SEMA4D: variants seen among roughly 807,000 people sequenced by gnomAD.
SEMA4D encodes semaphorin 4D, also known as semaphorin-4D.
In SEMA4D, 22 loss-of-function variants were observed where a neutral mutation model predicts 74.8. That is an observed-to-expected ratio of 0.29 (90% CI 0.21 to 0.42). The LOEUF (loss-of-function observed/expected upper bound fraction) is 0.42, where lower values mean the gene tolerates loss of function less well. Ranked by LOEUF, SEMA4D falls within the 10% of genes least tolerant of loss-of-function variation. The pLI is 1.00. For synonymous variants in SEMA4D, 445 were observed against 463.7 expected, an observed-to-expected ratio of 0.96 and a Z score of 0.52; for missense variants, 937 against 1,118.4, an observed-to-expected ratio of 0.84 and a Z score of 2.31.
rs115046364 is a variant in SEMA4D, at chr9:89,385,986, C to T, written c.1446+381G>A. On this transcript the variant is annotated intron_variant, in intron 13 of 15. Coordinates refer to ENST00000422704, the MANE Select transcript of SEMA4D (RefSeq NM_001371194.2). The stretch of plus-strand genomic sequence containing the variant: ...AACCACTTCTCTTGTGGATTTTCCA[C>T]GGTGACGAGTCAGCTGTATCACTAT... 1.5e-4 allele frequency: 147 copies of T among 985,160 alleles called. No individual in the cohort carries two copies. The African/African-American group carries it at 1.7e-3, about 11-fold the overall frequency. The allele number at this position is 985,160 out of a possible 1,614,324, so 61.0% of individuals were successfully genotyped here.
intron 2 of SEMA4D, among the ~76,000 whole-genome samples, chr9:89,453,230 A>T (rs1046904016): frequency 5.9e-5 from 9 of 151,936 alleles, no homozygotes; most frequent in Non-Finnish European, 1.0e-4. Context: ...AGTGCACTTT[A>T]TAAAGACTAC....
At chr9:89,394,961 G>C (rs565614326) in intron 6 of SEMA4D, among the ~76,000 whole-genome samples, 1 of 152,118 alleles carries the variant, frequency 6.6e-6, no homozygotes, top group African/African-American at 2.4e-5. Context: ...TGGGAGTCAC[G>C]GGTCATAGTT....
rs758335052 is a variant in SEMA4D at position 89,427,516 on chromosome 9, C to T, written c.-243-21817G>A. Among the ~76,000 whole-genome samples, 80 of 152,276 alleles carry T rather than the reference C, an allele frequency of 5.3e-4. 1 individual carries two copies. Among genetic ancestry groups the T allele is most frequent in the Non-Finnish European group, 3.7e-4 (25 of 68,018 alleles). ...CCCACTGAAGGAGTCAAGCAAACCC[C>T]CAATATTTCAGGATTCACTCTGCAG... On this transcript the variant is annotated intron_variant, in intron 2 of 15. Transcript: ENST00000422704.
intron 2 of SEMA4D, chr9:89,450,251 C>A: frequency 8.9e-7 from 1 of 1,126,736 alleles, no homozygotes. Context: ...TTCTCATCAG[C>A]TCAGGAAAGG....
chr9:89,473,619 G>C (rs1007312559), intron 1 of SEMA4D, among the ~76,000 whole-genome samples: 2 of 152,144 alleles, frequency 1.3e-5, no homozygotes, highest in Non-Finnish European at 2.9e-5. Flanking sequence ...TACTTTGGGA[G>C]GCCGAGGCAG....
At chr9:89,437,275 T>A (rs1440743594) in intron 2 of SEMA4D, among the ~76,000 whole-genome samples, 2 of 152,192 alleles carry the variant, frequency 1.3e-5, no homozygotes, top group African/African-American at 4.8e-5. Flanking sequence ...TGGCAGTTTT[T>A]ATTTTTCTGC....
At chr9:89,453,484 T>C (rs569369743) in intron 2 of SEMA4D, among the ~76,000 whole-genome samples, 49 of 152,332 alleles carry the variant, frequency 3.2e-4, no homozygotes, top group African/African-American at 1.2e-3. Context: ...TTGCTGCCTG[T>C]CTTATCCTAT....
At chr9:89,435,150 T>C (rs775889633) in intron 2 of SEMA4D, among the ~76,000 whole-genome samples, 3 of 152,144 alleles carry the variant, frequency 2.0e-5, no homozygotes, top group Non-Finnish European at 4.4e-5. Context: ...CCCCAGGGCA[T>C]GTGGAGGACA....
chr9:89,424,815 T>A (rs35870355), intron 2 of SEMA4D, among the ~76,000 whole-genome samples: 24,510 of 152,050 alleles, frequency 0.16, 2,582 homozygotes, highest in Non-Finnish European at 0.23. Context: ...TCCACCTTCT[T>A]ACGGCCCCTG....
At chr9:89,371,781 TC>T (rs879001704) in intron 16 of SEMA4D, among the ~76,000 whole-genome samples, 5 of 36,470 alleles carry the variant, frequency 1.4e-4, no homozygotes, top group African/African-American at 2.3e-4. Flanking sequence ...GTGGTGTGTG[TC>T]GGGGTGTGTT....
chr9:89,429,652 T>G (rs1436945237), intron 2 of SEMA4D, among the ~76,000 whole-genome samples: 1 of 152,110 alleles, frequency 6.6e-6, no homozygotes. Context: ...GAGCACTTCA[T>G]GAAGAGCAGG....
chr9:89,472,919 C>A (rs897084444), intron 1 of SEMA4D, among the ~76,000 whole-genome samples: 1 of 151,924 alleles, frequency 6.6e-6, no homozygotes, highest in Non-Finnish European at 1.5e-5. Flanking sequence ...CATAGTGAGA[C>A]CCCATCTCTA....
At chr9:89,457,795 A>C (rs1856295961) in intron 1 of SEMA4D, among the ~76,000 whole-genome samples, 1 of 152,068 alleles carries the variant, frequency 6.6e-6, no homozygotes, top group Admixed American at 6.6e-5. Flanking sequence ...GCCCTTTGGG[A>C]GGCCGAAGGT....
At chr9:89,444,527 C>T (rs1053760390) in intron 2 of SEMA4D, among the ~76,000 whole-genome samples, 3 of 152,184 alleles carry the variant, frequency 2.0e-5, no homozygotes, top group African/African-American at 7.2e-5. Context: ...GAGACCCTAA[C>T]AGACCACAGA....
chr9:89,449,346 G>A (rs981394573), intron 2 of SEMA4D, among the ~76,000 whole-genome samples: 1 of 152,182 alleles, frequency 6.6e-6, no homozygotes, highest in Non-Finnish European at 1.5e-5. Context: ...CAAATCCAAG[G>A]GCACCAAAGA....
intron 2 of SEMA4D, among the ~76,000 whole-genome samples, chr9:89,414,770 G>A (rs540387302): frequency 2.0e-5 from 3 of 152,316 alleles, no homozygotes; most frequent in East Asian, 3.9e-4. Flanking sequence ...GCCTAGCCCT[G>A]GACCTGTGTT....
At chr9:89,376,875 C>A, downstream of SEMA4D, 3 of 1,550,792 alleles carry the variant, frequency 1.9e-6, no homozygotes, top group East Asian at 2.4e-5. Flanking sequence ...AGGGCGTGCA[C>A]GTGCTGTGCC....
chr9:89,443,215 AC>A (rs1367862731), intron 2 of SEMA4D, among the ~76,000 whole-genome samples: 43 of 152,012 alleles, frequency 2.8e-4, no homozygotes, highest in East Asian at 1.9e-4. Flanking sequence ...CACCCACACT[AC>A]CCCCCTGGAC....
At chr9:89,401,147 T>G (rs954023062) in intron 4 of SEMA4D, among the ~76,000 whole-genome samples, 1 of 152,090 alleles carries the variant, frequency 6.6e-6, no homozygotes, top group African/African-American at 2.4e-5. Context: ...CTCGACCTCC[T>G]GGGCTCAAGT....
Sources: gnomAD v4.1 joint callset for allele counts (sites outside exome capture counted in the v4.1 genomes callset) on GRCh38, gnomAD v4.1.1 for gene constraint, MANE v1.5 for transcripts, NCBI Gene and HGNC (gene_info 2026-07-23, HGNC 2026-07-21) for gene names.